DAP: variants seen among roughly 807,000 people sequenced by gnomAD.
DAP encodes death-associated protein 1.
DAP carries 8 observed loss-of-function variants against 13.8 expected under a neutral mutation model. That is an observed-to-expected ratio of 0.58 (90% confidence interval 0.34 to 1.05). The LOEUF is 1.05. Among genes scored for constraint, DAP ranks in the 50% least tolerant of loss-of-function variants. DAP has a pLI of 0.03. For synonymous variants in DAP, 47 were observed against 47.5 expected (o/e 0.99, Z 0.04); for missense variants, 106 against 133.2 (o/e 0.80, Z 1.01).
chr5:10,706,547 G>C (rs1738702452), intron 2 of DAP, among the ~76,000 whole-genome samples: 1 of 152,182 alleles, frequency 6.6e-6, no homozygotes, highest in Non-Finnish European at 1.5e-5. Context: ...ACAATCTTGA[G>C]AATTTATTCA....
At chr5:10,755,965 T>C (rs973180933) in intron 1 of DAP, among the ~76,000 whole-genome samples, 10 of 152,140 alleles carry the variant, frequency 6.6e-5, no homozygotes, top group Non-Finnish European at 1.3e-4. Context: ...CTGGACAACA[T>C]AGTAAAACCT....
At chr5:10,749,206 C>T (rs897439111) in intron 1 of DAP, among the ~76,000 whole-genome samples, 2 of 152,236 alleles carry the variant, frequency 1.3e-5, no homozygotes, top group Non-Finnish European at 2.9e-5. Flanking sequence ...TCTCTCCACT[C>T]ATCAATTAGA....
chr5:10,751,025 G>A (rs907101096), intron 1 of DAP, among the ~76,000 whole-genome samples: 1 of 152,164 alleles, frequency 6.6e-6, no homozygotes, highest in Admixed American at 6.5e-5. Flanking sequence ...GGAGACCTCT[G>A]TCCCCATGTG....
In DAP at chr5:10,722,571, TACATACATATATATAC is replaced by T. The variant is rs1466800452; in HGVS notation, c.152+25588_152+25603del. On this transcript the variant is annotated intron_variant, in intron 2 of 3. Coordinates refer to ENST00000230895, the MANE Select transcript of DAP (RefSeq NM_004394.3). ...ATACATATACATGCATATATATACA[TACATACATATATATAC>T]ATATATACATATATATACATATATA... Among the ~76,000 whole-genome samples the T allele has an allele frequency of 4.8e-3, 711 of 146,964 alleles. 6 individuals carry two copies. Among genetic ancestry groups the T allele is most frequent in the African/African-American group, 0.017 (671 of 39,798 alleles).
At chr5:10,696,868 A>C (rs1738450370) in intron 2 of DAP, among the ~76,000 whole-genome samples, 1 of 152,198 alleles carries the variant, frequency 6.6e-6, no homozygotes, top group Non-Finnish European at 1.5e-5. Flanking sequence ...CATTACTATG[A>C]GAAAAGGTTC....
In DAP at chr5:10,692,282, G is replaced by A. The variant is rs917328764; in HGVS notation, c.153-8711C>T. 2.6e-5 allele frequency among the ~76,000 whole-genome samples: 4 copies of A among 152,156 alleles called. No homozygotes were observed. In the East Asian group the frequency reaches 7.7e-4, roughly 29 times the overall value. ...AGGCTTTACACCCTCCCTCATCATC[G>A]TGGTGCTCTGACAGCCTGGTTTCTG... On this transcript the variant is annotated intron_variant, in intron 2 of 3. Coordinates refer to ENST00000230895, the MANE Select transcript of DAP (RefSeq NM_004394.3).
At chr5:10,742,867 C>T (rs62336772) in intron 2 of DAP, among the ~76,000 whole-genome samples, 6,361 of 152,218 alleles carry the variant, frequency 0.042, 196 homozygotes, top group South Asian at 0.081. Context: ...ACAGGTATGA[C>T]ACTAACCCTC....
chr5:10,715,471 C>T (rs895394680), intron 2 of DAP, among the ~76,000 whole-genome samples: 4 of 152,102 alleles, frequency 2.6e-5, no homozygotes, highest in South Asian at 2.1e-4. Context: ...CCTGAGCTGC[C>T]GGGGGCTTCC....
At chr5:10,713,234 T>C (rs767473990) in intron 2 of DAP, among the ~76,000 whole-genome samples, 2 of 152,234 alleles carry the variant, frequency 1.3e-5, no homozygotes, top group Admixed American at 6.5e-5. Context: ...CAACCTAACA[T>C]TGGAATCGAA....
intron 2 of DAP, among the ~76,000 whole-genome samples, chr5:10,684,358 A>G (rs1738105247): frequency 6.6e-6 from 1 of 152,178 alleles, no homozygotes; most frequent in South Asian, 2.1e-4. Flanking sequence ...ATCCCTGAGC[A>G]TTACAAATAT....
chr5:10,733,933 T>A (rs759429001), intron 2 of DAP: 4 of 152,126 alleles, frequency 2.6e-5, no homozygotes, highest in Admixed American at 6.5e-5. Flanking sequence ...GGCCTAGTCA[T>A]TTTAATGTAA....
At chr5:10,750,973 C>A (rs1429732715) in intron 1 of DAP, among the ~76,000 whole-genome samples, 1 of 152,226 alleles carries the variant, frequency 6.6e-6, no homozygotes, top group Non-Finnish European at 1.5e-5. Flanking sequence ...CAAATACGAA[C>A]TGAACTCATG....
At chr5:10,718,187 G>A (rs185890642) in intron 2 of DAP, among the ~76,000 whole-genome samples, 8 of 152,316 alleles carry the variant, frequency 5.3e-5, no homozygotes, top group East Asian at 3.9e-4. Flanking sequence ...CTGAGCTGAC[G>A]TTGATTCCAG....
At position 10,680,543 on chromosome 5, in the gene DAP, A is replaced by G. The variant is rs1387695015; in HGVS notation, c.*513T>C. On this transcript the variant is annotated 3_prime_UTR_variant, in exon 4 of 4. Coordinates refer to ENST00000230895, the MANE Select transcript of DAP (RefSeq NM_004394.3). ...CACAGGATCCCCCATCTCACGAGAGAGGGAAATTTGGCATTGCTGTTCCCT... is the reference window on the plus strand; with the variant it reads ...CACAGGATCCCCCATCTCACGAGAGGGGGAAATTTGGCATTGCTGTTCCCT... 5 of 617,914 alleles carry G rather than the reference A, an allele frequency of 8.1e-6. No homozygotes were observed. The highest frequency in any genetic ancestry group is 1.4e-5 in the Non-Finnish European group (5 of 354,756). 38.3% of individuals were successfully genotyped at this position (617,914 alleles called of 1,614,324 possible).
At chr5:10,684,688 T>C (rs144883728) in intron 2 of DAP, among the ~76,000 whole-genome samples, 10 of 152,354 alleles carry the variant, frequency 6.6e-5, no homozygotes, top group South Asian at 2.1e-4. Context: ...CATCTCTCCA[T>C]GTAATTATAT....
intron 2 of DAP, among the ~76,000 whole-genome samples, chr5:10,724,311 A>G (rs1027640199): frequency 1.3e-5 from 2 of 152,232 alleles, no homozygotes; most frequent in Admixed American, 6.5e-5. Flanking sequence ...TTCCACCTCT[A>G]TAACAGAAAC....
chr5:10,756,831 C>G (rs1395844833), intron 1 of DAP, among the ~76,000 whole-genome samples: 1 of 152,226 alleles, frequency 6.6e-6, no homozygotes, highest in Non-Finnish European at 1.5e-5. Context: ...CTGTGGAATG[C>G]TATGACTGCT....
At chr5:10,690,992 T>A (rs1414847480) in intron 2 of DAP, among the ~76,000 whole-genome samples, 1 of 152,232 alleles carries the variant, frequency 6.6e-6, no homozygotes, top group Non-Finnish European at 1.5e-5. Flanking sequence ...AAGGCTCTAT[T>A]CTAATGGGTG....
At chr5:10,724,400 C>T (rs376023990) in intron 2 of DAP, among the ~76,000 whole-genome samples, 6 of 152,280 alleles carry the variant, frequency 3.9e-5, no homozygotes, top group South Asian at 2.1e-4. Flanking sequence ...ATATTTTTCC[C>T]TCATTTTCTT....
Sources: allele counts gnomAD v4.1 joint callset (sites outside exome capture counted in the v4.1 genomes callset), GRCh38; gene constraint gnomAD v4.1.1; transcripts MANE v1.5; gene names NCBI Gene and HGNC (gene_info 2026-07-23, HGNC 2026-07-21).